SLC23A2: variants seen among roughly 807,000 people sequenced by gnomAD.
SLC23A2 encodes solute carrier family 23 member 2, also known as Na(+)/L-ascorbic acid transporter 2.
Under a neutral mutation model 73.3 loss-of-function variants are expected in SLC23A2, and 36 were observed. The ratio of observed to expected loss-of-function variants is 0.49; its 90% confidence interval spans 0.38 to 0.65. The LOEUF is 0.65. Ranked by LOEUF, SLC23A2 falls within the 30% of genes least tolerant of loss-of-function variation. The pLI is 0.00. For missense variants in SLC23A2, 507 were observed against 841.6 expected, an observed-to-expected ratio of 0.60 and a Z score of 4.92; for synonymous variants, 343 against 327.3, an observed-to-expected ratio of 1.05 and a Z score of -0.52.
intron 3 of SLC23A2, among the ~76,000 whole-genome samples, chr20:4,916,193 A>C (rs530395293): frequency 1.5e-4 from 23 of 152,326 alleles, no homozygotes; most frequent in African/African-American, 5.5e-4. Flanking sequence ...CACGAGATGA[A>C]ACTCTTAACT....
rs1929991386 is a variant in SLC23A2 at position 4,862,219 on chromosome 20, G to A, written c.1487-134C>T. 3 of 877,888 alleles carry A rather than the reference G, an allele frequency of 3.4e-6. No individual in the cohort carries two copies. The highest frequency in any genetic ancestry group is 5.1e-5 in the East Asian group (2 of 39,200). 54.4% of individuals were successfully genotyped at this position (877,888 alleles called of 1,614,324 possible). On this transcript the variant is annotated intron_variant, in intron 14 of 16. Coordinates refer to ENST00000338244, the MANE Select transcript of SLC23A2 (RefSeq NM_005116.6). This position sits in a 1 kb window ranked among gnomAD's most constrained non-coding sequence, Gnocchi z 5.1. ...AATGAGACCAGTGCAGGGACAGGAA[G>A]GGGGACGTGTGGGGTCAGACTGTAG...
intron 6 of SLC23A2, among the ~76,000 whole-genome samples, chr20:4,886,967 C>A (rs1452228724): frequency 6.6e-6 from 1 of 152,190 alleles, no homozygotes; most frequent in Non-Finnish European, 1.5e-5. Context: ...AGCTAAAGGA[C>A]AAGCAGTCTC....
At chr20:4,884,669 G>T in intron 8 of SLC23A2, 84 bp downstream of exon 8, 1 of 865,500 alleles carries the variant, frequency 1.2e-6, no homozygotes, top group Non-Finnish European at 2.0e-6. Context: ...CTCAGTAAAA[G>T]TAACTGCTAT....
chr20:5,004,430 G>T (rs2088167622), upstream of SLC23A2, among the ~76,000 whole-genome samples: 1 of 152,150 alleles, frequency 6.6e-6, no homozygotes, highest in African/African-American at 2.4e-5. Context: ...CATCGAAAAA[G>T]TTTCTCTCTG....
chr20:4,894,383 C>A (rs1335872660), intron 6 of SLC23A2, among the ~76,000 whole-genome samples: 1 of 152,138 alleles, frequency 6.6e-6, no homozygotes, highest in East Asian at 1.9e-4. Context: ...ACCTCCAATG[C>A]AAAAAGACAA....
chr20:4,857,218 CAAG>C lies in SLC23A2; in HGVS notation c.1721-17_1721-15del, dbSNP rs1191648347. On this transcript the variant is annotated splice_polypyrimidine_tract_variant and intron_variant, in intron 16 of 16. Coordinates refer to ENST00000338244, the MANE Select transcript of SLC23A2 (RefSeq NM_005116.6). This position sits in a 1 kb window ranked among gnomAD's most constrained non-coding sequence, Gnocchi z 4.0. ...CCTCTGGAGTGCCTGTCACACATCC[CAAG>C]ATAGAACAAAGGAATGCTTCGTTTA... 1.0e-5 allele frequency: 15 copies of C among 1,491,580 alleles called. No homozygotes were observed. Among genetic ancestry groups the C allele is most frequent in the Non-Finnish European group, 1.3e-5 (14 of 1,088,892 alleles). The allele number at this position is 1,491,580 out of a possible 1,614,324, so 92.4% of individuals were successfully genotyped here.
intron 2 of SLC23A2, among the ~76,000 whole-genome samples, chr20:4,958,391 G>A (rs2087325886): frequency 6.6e-6 from 1 of 152,182 alleles, no homozygotes; most frequent in Admixed American, 6.5e-5. Flanking sequence ...ACACCAGTAG[G>A]TGGATGGCAT....
rs150473619 is a variant in SLC23A2, at chr20:4,988,629, G to A, written c.-282+12777C>T. 2.6e-4 allele frequency among the ~76,000 whole-genome samples: 40 copies of A among 151,220 alleles called. 1 individual carries two copies. Among genetic ancestry groups the A allele is most frequent in the African/African-American group, 9.0e-4 (37 of 41,226 alleles). On this transcript the variant is annotated intron_variant, in intron 1 of 16. Coordinates refer to ENST00000338244, the MANE Select transcript of SLC23A2 (RefSeq NM_005116.6). ...CACACACCTGTAGTCCCGGCTACTC[G>A]GGAGGCTGAGGCAGGAGAATCACTT...
chr20:4,951,227 T>A (rs1263801259), intron 2 of SLC23A2, among the ~76,000 whole-genome samples: 1 of 152,130 alleles, frequency 6.6e-6, no homozygotes. Context: ...GGTATTTTTT[T>A]AAAAGAGGAA....
intron 2 of SLC23A2, among the ~76,000 whole-genome samples, chr20:4,960,489 C>A (rs1357597412): frequency 6.6e-5 from 10 of 152,180 alleles, no homozygotes; most frequent in Admixed American, 4.6e-4. Flanking sequence ...CTAAGTTATG[C>A]TATGCTTAAT....
intron 2 of SLC23A2, among the ~76,000 whole-genome samples, chr20:4,956,028 CAG>C (rs1283952403): frequency 1.3e-5 from 2 of 151,982 alleles, no homozygotes; most frequent in African/African-American, 4.8e-5. Flanking sequence ...TTAGAAAACT[CAG>C]GGCAGAAAAT....
At position 4,868,316 on chromosome 20, in the gene SLC23A2, C is replaced by T. The variant is rs549081447; in HGVS notation, c.1251-441G>A. Among the ~76,000 whole-genome samples, 187 of 152,178 alleles carry T rather than the reference C, an allele frequency of 1.2e-3. No individual in the cohort carries two copies. Among genetic ancestry groups the T allele is most frequent in the African/African-American group, 3.9e-3 (164 of 41,540 alleles). On this transcript the variant is annotated intron_variant, in intron 12 of 16. Coordinates refer to ENST00000338244, the MANE Select transcript of SLC23A2 (RefSeq NM_005116.6). This position sits in a 1 kb window ranked among gnomAD's most constrained non-coding sequence, Gnocchi z 4.4. ...TGGAATTCCTGACCTCAGGGTGATC[C>T]GCCTGCCTCAGCCTCCCAAAATGTT... is the stretch of plus-strand genomic sequence containing the variant.
At chr20:4,873,769 C>T in intron 11 of SLC23A2, 167 bp downstream of exon 11, 1 of 584,102 alleles carries the variant, frequency 1.7e-6, no homozygotes, top group Non-Finnish European at 2.9e-6. Flanking sequence ...TGGTTTCTGC[C>T]CTCTGGGGAC....
chr20:4,923,176 G>T (rs1340648941), intron 3 of SLC23A2, among the ~76,000 whole-genome samples: 1 of 151,230 alleles, frequency 6.6e-6, no homozygotes, highest in East Asian at 1.9e-4. Context: ...GGAGGCCAAG[G>T]TGGGAAGACT....
At chr20:4,880,543 A>G (rs1250144858) in intron 9 of SLC23A2, among the ~76,000 whole-genome samples, 2 of 152,166 alleles carry the variant, frequency 1.3e-5, no homozygotes, top group Non-Finnish European at 2.9e-5. Flanking sequence ...ATAAATGACA[A>G]TCTTGGCAGA....
At chr20:4,886,676 T>A (rs192233479) in intron 6 of SLC23A2, among the ~76,000 whole-genome samples, 5 of 152,348 alleles carry the variant, frequency 3.3e-5, no homozygotes, top group Admixed American at 2.6e-4. Context: ...TTAATGGAAA[T>A]GTACAGCATT....
At chr20:4,959,591 G>T (rs756461026) in intron 2 of SLC23A2, among the ~76,000 whole-genome samples, 2 of 151,988 alleles carry the variant, frequency 1.3e-5, no homozygotes, top group Admixed American at 1.3e-4. Flanking sequence ...TCAACCTCCC[G>T]GGCTCAAGTG....
At chr20:4,987,183 G>A (rs1013019756) in intron 1 of SLC23A2, among the ~76,000 whole-genome samples, 1 of 152,150 alleles carries the variant, frequency 6.6e-6, no homozygotes, top group African/African-American at 2.4e-5. Flanking sequence ...AAAGAAAGGA[G>A]AAGGAACAAA....
At chr20:4,925,989 C>T (rs1032282791) in intron 3 of SLC23A2, among the ~76,000 whole-genome samples, 4 of 152,222 alleles carry the variant, frequency 2.6e-5, no homozygotes, top group African/African-American at 9.6e-5. Context: ...ATGTCCCCCA[C>T]TGGGCTGTAA....
Sources: allele counts gnomAD v4.1 joint callset (sites outside exome capture counted in the v4.1 genomes callset), GRCh38; gene constraint gnomAD v4.1.1; non-coding constraint Gnocchi (gnomAD v3.1); transcripts MANE v1.5; gene names NCBI Gene and HGNC (gene_info 2026-07-23, HGNC 2026-07-21).